FHDC1: variants seen among roughly 807,000 people sequenced by gnomAD.
The protein encoded by FHDC1 is FH2 domain containing 1.
Under a neutral mutation model 52.6 loss-of-function variants are expected in FHDC1, and 25 were observed. That is an observed-to-expected ratio of 0.48 (90% confidence interval 0.35 to 0.66). FHDC1 has a LOEUF of 0.66. Ranked by LOEUF, FHDC1 falls within the 30% of genes least tolerant of loss-of-function variation. The pLI, the probability that FHDC1 is intolerant of heterozygous loss-of-function variation, is 0.01. For missense variants in FHDC1, 1,459 were observed against 1,452.8 expected (o/e 1.00, Z -0.07); for synonymous variants, 616 against 581.5 (o/e 1.06, Z -0.85).
intron 9 of FHDC1, among the ~76,000 whole-genome samples, chr4:152,965,401 C>T (rs977941208): frequency 3.3e-5 from 5 of 152,102 alleles, no homozygotes; most frequent in Admixed American, 2.0e-4. Context: ...AGTTTGTAAC[C>T]GTACCAAGAG....
chr4:152,974,991 A>C lies in FHDC1; in HGVS notation c.1700A>C (p.Lys567Thr). The C allele has an allele frequency of 6.2e-7, 1 of 1,612,516 alleles. No homozygotes were observed. Among genetic ancestry groups the C allele is most frequent in the Non-Finnish European group, 8.5e-7 (1 of 1,179,830 alleles). The change falls in exon 12 of 12, where the codon AAG becomes ACG. Residue 567 changes from lysine (K) to threonine (T), a missense_variant. Lys to Thr is a moderately conservative substitution (Grantham distance 78). This residue lies in a region of FHDC1 where 939 missense variants were observed against 854.5 expected (regional missense o/e 1.10). Coordinates refer to ENST00000511601, the MANE Select transcript of FHDC1 (RefSeq NM_001371116.1). ...SSTGSPEEPNKFHSLPRSSPR... is the reference protein window; with the variant it reads ...SSTGSPEEPNTFHSLPRSSPR... ...ACCGGCAGCCCTGAGGAGCCCAATA[A>C]GTTCCACAGCCTGCCCCGGAGCAGC...
At chr4:152,968,159 T>C (rs1740522971) in intron 10 of FHDC1, 62 bp downstream of exon 10, 8 of 1,220,282 alleles carry the variant, frequency 6.6e-6, no homozygotes, top group Non-Finnish European at 9.4e-6. Context: ...CCGGGGCTGG[T>C]TAAATTTGCA....
At chr4:152,964,996 A>T (rs778144608) in intron 9 of FHDC1, 21 bp downstream of exon 9, 1 of 1,589,498 alleles carries the variant, frequency 6.3e-7, no homozygotes, top group Non-Finnish European at 8.6e-7. Flanking sequence ...GAATTGTGAG[A>T]ATTCAAGATT....
chr4:152,956,146 G>A (rs1373093757), intron 4 of FHDC1, among the ~76,000 whole-genome samples: 1 of 152,182 alleles, frequency 6.6e-6, no homozygotes, highest in African/African-American at 2.4e-5. Flanking sequence ...CAAAATCTTT[G>A]TTAGGATAGA....
chr4:152,921,313 A>G, the FHDC1 span, among the ~76,000 whole-genome samples: 1 of 152,074 alleles, frequency 6.6e-6, no homozygotes, highest in Non-Finnish European at 1.5e-5. Flanking sequence ...CAGACATTTA[A>G]TGAGTATCCA....
intron 9 of FHDC1, 49 bp from the exon 10 acceptor site, chr4:152,967,931 C>A: frequency 7.2e-7 from 1 of 1,390,010 alleles, no homozygotes; most frequent in Non-Finnish European, 1.0e-6. Context: ...ACCTACATGA[C>A]ACATGGCTTC....
At chr4:152,926,186 A>G in the FHDC1 span, among the ~76,000 whole-genome samples, 11 of 151,946 alleles carry the variant, frequency 7.2e-5, no homozygotes, top group Admixed American at 2.0e-4. Flanking sequence ...TGAGAAGAAA[A>G]AAAAAACTTG....
At chr4:152,959,922 G>C (rs547622206) in intron 4 of FHDC1, among the ~76,000 whole-genome samples, 1 of 137,800 alleles carries the variant, frequency 7.3e-6, no homozygotes, top group Non-Finnish European at 1.5e-5. Flanking sequence ...TTCTGCCAGG[G>C]TCCCTGGGGG....
chr4:152,963,020 T>C lies in FHDC1; in HGVS notation c.922-3T>C, dbSNP rs1361335122. 11 of 1,612,764 alleles carry C rather than the reference T, an allele frequency of 6.8e-6. No individual in the cohort carries two copies. The highest frequency in any genetic ancestry group is 2.7e-5 in the African/African-American group (2 of 74,706). ...TTTTTTCTTTTTGATTTGTCTTCTT[T>C]AGGGAGGGTATGCCGGCAATGCAGT... On this transcript the variant is annotated splice_polypyrimidine_tract_variant and splice_region_variant and intron_variant, in intron 7 of 11. Transcript: ENST00000511601.
chr4:152,975,714 T>C lies in FHDC1; in HGVS notation c.2423T>C (p.Met808Thr). Residue 808 changes from methionine to threonine, a missense_variant, in exon 12 of 12, where the codon ATG becomes ACG. By Grantham distance (81) the Met-to-Thr change is moderately conservative (BLOSUM62 -1). Coordinates refer to ENST00000511601, the MANE Select transcript of FHDC1 (RefSeq NM_001371116.1). ...PEEGGEGDGS[M>T]SSGVGEMGDS... ...GAAGGCGGGGAAGGGGATGGCTCCA[T>C]GTCCTCTGGGGTTGGAGAAATGGGG... 1.9e-6 allele frequency: 3 copies of C among 1,608,358 alleles called. No individual in the cohort carries two copies. The highest frequency in any genetic ancestry group is 2.5e-6 in the Non-Finnish European group (3 of 1,176,530).
rs770238482 is a variant in FHDC1, at chr4:152,943,447, T to C, written c.390T>C (p.Asp130=). 1.9e-6 allele frequency: 3 copies of C among 1,614,082 alleles called. No individual in the cohort carries two copies. The highest frequency in any genetic ancestry group is 1.1e-5 in the South Asian group (1 of 91,062). Reference sequence around the variant, plus strand: ...GGCAGGAACATCACTACCAAATTGATACAAAGACCATTGAGGAGCTCTTTG... The same window carrying C: ...GGCAGGAACATCACTACCAAATTGACACAAAGACCATTGAGGAGCTCTTTG... ...AARQEHHYQI[D]TKTIEELFGQ... Residue 130 remains aspartate (D), a synonymous_variant, in exon 2 of 12, where the codon GAT becomes GAC. Coordinates refer to ENST00000511601, the MANE Select transcript of FHDC1 (RefSeq NM_001371116.1).
intron 4 of FHDC1, among the ~76,000 whole-genome samples, chr4:152,955,730 G>A (rs935390026): frequency 3.1e-4 from 47 of 152,282 alleles, no homozygotes; most frequent in African/African-American, 1.1e-3. Context: ...CACCCGCCTT[G>A]GCCTCCCAAA....
At chr4:152,934,840 G>A (rs1283446365), upstream of FHDC1, among the ~76,000 whole-genome samples, 1 of 152,174 alleles carries the variant, frequency 6.6e-6, no homozygotes, top group Non-Finnish European at 1.5e-5. Context: ...CAGTTGGGGG[G>A]AGGCCCACTG....
the FHDC1 span, among the ~76,000 whole-genome samples, chr4:152,930,100 C>T: frequency 6.6e-6 from 1 of 152,218 alleles, no homozygotes; most frequent in Non-Finnish European, 1.5e-5. Context: ...GCCCATCAAT[C>T]ACCCCACAGG....
At chr4:152,916,150 A>G in the FHDC1 span, among the ~76,000 whole-genome samples, 1 of 152,290 alleles carries the variant, frequency 6.6e-6, no homozygotes, top group South Asian at 2.1e-4. Context: ...AGAAAAAAAA[A>G]ATTAGTAATA....
intron 1 of FHDC1, among the ~76,000 whole-genome samples, chr4:152,939,429 TG>T (rs1276708133): frequency 6.6e-6 from 1 of 152,084 alleles, no homozygotes; most frequent in African/African-American, 2.4e-5. Flanking sequence ...CCACCGCGCC[TG>T]GCCGAGACTA....
upstream of FHDC1, among the ~76,000 whole-genome samples, chr4:152,934,735 G>A (rs765856905): frequency 2.8e-4 from 42 of 152,298 alleles, 1 homozygote; most frequent in Admixed American, 9.8e-4. Context: ...CTTAGGGTAG[G>A]ATGCTGCCAA....
rs1360634701 is a variant in FHDC1 at position 152,972,518 on chromosome 4, A to G, written c.1360A>G (p.Thr454Ala). ...ECFQIFRDFC[T>A]KFNKAVKDNH... ...CTTTCAGATATTTAGAGATTTCTGTACCAAATTCAACAAAGCAGTTAAGGT... is the reference window on the plus strand; with the variant it reads ...CTTTCAGATATTTAGAGATTTCTGTGCCAAATTCAACAAAGCAGTTAAGGT... The change falls in exon 11 of 12, where the codon ACC becomes GCC. Residue 454 changes from threonine to alanine, a missense_variant. Around this residue, in one of 3 missense-constraint regions of FHDC1, gnomAD observed 513 missense variants for 581.5 expected, o/e 0.88. Transcript: ENST00000511601. 2 of 1,606,972 alleles carry G rather than the reference A, an allele frequency of 1.2e-6. No individual in the cohort carries two copies. Among genetic ancestry groups the G allele is most frequent in the Admixed American group, 1.7e-5 (1 of 57,784 alleles).
At chr4:152,956,800 C>A (rs919281996) in intron 4 of FHDC1, among the ~76,000 whole-genome samples, 1 of 152,340 alleles carries the variant, frequency 6.6e-6, no homozygotes, top group South Asian at 2.1e-4. Context: ...GGTCACACTT[C>A]GCCTCCTTGT....
Sources: allele counts gnomAD v4.1 joint callset (sites outside exome capture counted in the v4.1 genomes callset), GRCh38; gene constraint gnomAD v4.1.1; regional missense constraint gnomAD v4.1.1; transcripts MANE v1.5; gene names NCBI Gene and HGNC (gene_info 2026-07-23, HGNC 2026-07-21).